The following ADAMTS17 variants were observed in gnomAD, a reference collection of about 807,000 sequenced individuals.
ADAMTS17 encodes the protein A disintegrin and metalloproteinase with thrombospondin motifs 17.
ADAMTS17 carries 113 observed loss-of-function variants against 141.5 expected under a neutral mutation model. The observed-to-expected ratio is 0.80, with a 90% CI of 0.69 to 0.93. ADAMTS17 has a LOEUF of 0.93. ADAMTS17 is among the 40% of genes least tolerant of loss of function. The pLI is 0.00. For synonymous variants in ADAMTS17, 768 were observed against 630.6 expected, an observed-to-expected ratio of 1.22 and a Z score of -3.27; for missense variants, 1,659 against 1,517.9, an observed-to-expected ratio of 1.09 and a Z score of -1.54.
At position 100,227,334 on chromosome 15, in the gene ADAMTS17, C is replaced by CACCACGCAGGAA. The variant is rs6145709; in HGVS notation, c.1075+26801_1075+26802insTTCCTGCGTGGT. Among the ~76,000 whole-genome samples the CACCACGCAGGAA allele has an allele frequency of 1.2e-3, 183 of 152,178 alleles. 2 individuals carry two copies. In the East Asian group the frequency reaches 0.023, roughly 19 times the overall value. On this transcript the variant is annotated intron_variant, in intron 7 of 21. Transcript: ENST00000268070. ...ACTGAGATCCTCTGTCTTTCCCACC[C>CACCACGCAGGAA]ACATCAGAAATCCTCACTACCCCCT... is the stretch of plus-strand genomic sequence containing the variant.
At chr15:100,092,356 C>CA (rs1334284887) in intron 15 of ADAMTS17, among the ~76,000 whole-genome samples, 4 of 152,342 alleles carry the variant, frequency 2.6e-5, no homozygotes, top group African/African-American at 9.6e-5. Context: ...AGAAAACACT[C>CA]AGACGCGTGA....
intron 12 of ADAMTS17, 67 bp downstream of exon 12, chr15:100,131,940 C>G (rs1322461537): frequency 6.2e-7 from 1 of 1,609,418 alleles, no homozygotes; most frequent in Admixed American, 1.7e-5. Flanking sequence ...TTGTGTGAGG[C>G]AGCGAGAGCT....
intron 15 of ADAMTS17, among the ~76,000 whole-genome samples, chr15:100,079,792 C>A (rs972138718): frequency 2.0e-5 from 3 of 152,114 alleles, no homozygotes; most frequent in African/African-American, 7.2e-5. Flanking sequence ...ATGCCTTATC[C>A]ACCATCATGG....
intron 17 of ADAMTS17, 65 bp downstream of exon 17, chr15:100,051,507 A>C: frequency 1.2e-6 from 2 of 1,608,850 alleles, no homozygotes; most frequent in South Asian, 2.2e-5. Flanking sequence ...TGCTGGCCAC[A>C]GATGCCTTTC....
chr15:100,256,161 A>G lies in ADAMTS17; in HGVS notation c.1032-1982T>C, dbSNP rs925464759. Among the ~76,000 whole-genome samples the G allele has an allele frequency of 1.1e-4, 17 of 152,184 alleles. 1 individual carries two copies. The South Asian group carries it at 3.3e-3, about 30-fold the overall frequency. The stretch of plus-strand genomic sequence containing the variant: ...TCATCCCACTGCCAACTCATGACAA[A>G]CCCCCAGGCAGGGACTGTAGGGTTC... On this transcript the variant is annotated intron_variant, in intron 6 of 21. Transcript: ENST00000268070.
At chr15:100,321,964 A>C (rs747351946) in intron 3 of ADAMTS17, among the ~76,000 whole-genome samples, 2 of 152,262 alleles carry the variant, frequency 1.3e-5, no homozygotes, top group Non-Finnish European at 2.9e-5. Flanking sequence ...GTTCTAGGCC[A>C]CGATGCAAAT....
chr15:100,121,081 A>G (rs148536119), intron 12 of ADAMTS17, among the ~76,000 whole-genome samples: 4 of 152,360 alleles, frequency 2.6e-5, no homozygotes, highest in African/African-American at 7.2e-5. Flanking sequence ...GAAATGAAAA[A>G]TCCACCAGTT....
At chr15:100,323,614 TA>T (rs971003245) in intron 3 of ADAMTS17, among the ~76,000 whole-genome samples, 4 of 151,318 alleles carry the variant, frequency 2.6e-5, no homozygotes, top group African/African-American at 9.7e-5. Context: ...AGAGAACATT[TA>T]AAAAAGGAAT....
At chr15:100,047,961 C>T (rs2031841071) in intron 18 of ADAMTS17, among the ~76,000 whole-genome samples, 1 of 152,164 alleles carries the variant, frequency 6.6e-6, no homozygotes, top group African/African-American at 2.4e-5. Context: ...TCACAGCAAG[C>T]CTCACCTTCT....
intron 7 of ADAMTS17, among the ~76,000 whole-genome samples, chr15:100,228,057 C>T (rs967294667): frequency 2.6e-5 from 4 of 152,214 alleles, no homozygotes; most frequent in Admixed American, 6.5e-5. Context: ...CCTGCAGATA[C>T]AGCCCTGCCT....
intron 18 of ADAMTS17, among the ~76,000 whole-genome samples, chr15:100,035,412 G>A (rs966549633): frequency 6.6e-6 from 1 of 152,202 alleles, no homozygotes; most frequent in Non-Finnish European, 1.5e-5. Flanking sequence ...GACTTACCCT[G>A]TCTGTGTGTG....
chr15:100,284,667 C>T (rs534622148), intron 3 of ADAMTS17, among the ~76,000 whole-genome samples: 4 of 152,340 alleles, frequency 2.6e-5, no homozygotes, highest in Admixed American at 1.3e-4. Context: ...CAGAGACCCA[C>T]AGCATCATTT....
intron 15 of ADAMTS17, among the ~76,000 whole-genome samples, chr15:100,061,705 C>A (rs1234333877): frequency 6.6e-6 from 1 of 152,238 alleles, no homozygotes; most frequent in Non-Finnish European, 1.5e-5. Context: ...AGCAGCCATG[C>A]TGGGAAATCT....
At position 99,972,979 on chromosome 15, in the gene ADAMTS17, T is replaced by C. The variant is rs1444331214; in HGVS notation, c.*1423A>G. 2.0e-5 allele frequency: 3 copies of C among 152,172 alleles called. No homozygotes were observed. Among genetic ancestry groups the C allele is most frequent in the Non-Finnish European group, 4.4e-5 (3 of 68,050 alleles). The allele number at this position is 152,172 out of a possible 1,614,324, so 9.4% of individuals were successfully genotyped here. A position where few individuals can be genotyped will look rare whatever the true frequency, so the allele number is the denominator to read the frequency against. ...GTCTGAAATCAGGGAGGAGGTGTTA[T>C]TTACGGTAAAGTCCTAGAACATAAG... is the stretch of plus-strand genomic sequence containing the variant. On this transcript the variant is annotated 3_prime_UTR_variant, in exon 22 of 22. Transcript: ENST00000268070.
chr15:100,147,230 G>A (rs1475376989), intron 10 of ADAMTS17, among the ~76,000 whole-genome samples: 1 of 151,922 alleles, frequency 6.6e-6, no homozygotes, highest in Non-Finnish European at 1.5e-5. Context: ...TTTGTACTCT[G>A]TCCCCTTATT....
At chr15:100,242,261 G>T (rs142249212) in intron 7 of ADAMTS17, among the ~76,000 whole-genome samples, 3 of 152,250 alleles carry the variant, frequency 2.0e-5, no homozygotes, top group East Asian at 3.9e-4. Flanking sequence ...TCCAGCGGCC[G>T]AGCAGTCACT....
chr15:100,211,791 G>T (rs1025032069), intron 7 of ADAMTS17, among the ~76,000 whole-genome samples: 4 of 152,114 alleles, frequency 2.6e-5, no homozygotes, highest in Non-Finnish European at 4.4e-5. Flanking sequence ...ATCACAAGAA[G>T]ATATCAATTC....
intron 6 of ADAMTS17, among the ~76,000 whole-genome samples, chr15:100,259,179 G>T (rs375480676): frequency 6.6e-6 from 1 of 152,172 alleles, no homozygotes; most frequent in East Asian, 1.9e-4. Flanking sequence ...CACAGATGAC[G>T]TTGTTTAGAG....
intron 20 of ADAMTS17, chr15:99,979,400 AAATCACTTAC>A (rs1276521291): frequency 1.8e-4 from 27 of 152,126 alleles, no homozygotes; most frequent in Admixed American, 1.1e-3. Context: ...AAAAAAAAAA[AAATCACTTAC>A]AAAAGCAATC....
Sources: gnomAD v4.1 joint callset for allele counts (sites outside exome capture counted in the v4.1 genomes callset) on GRCh38, gnomAD v4.1.1 for gene constraint, MANE v1.5 for transcripts, NCBI Gene and HGNC (gene_info 2026-07-23, HGNC 2026-07-21) for gene names.